Variants in CRYL1 observed in about 807,000 individuals in gnomAD.
CRYL1 encodes crystallin lambda 1, also known as lambda-crystallin homolog.
CRYL1 carries 29 observed loss-of-function variants against 36.6 expected under a neutral mutation model. The observed-to-expected ratio is 0.79, with a 90% CI of 0.59 to 1.08. The LOEUF is 1.08. CRYL1 is among the 50% of genes least tolerant of loss of function. The pLI is 0.00. For synonymous variants in CRYL1, 152 were observed against 151.5 expected (o/e 1.00, Z -0.02); for missense variants, 411 against 407.9 (o/e 1.01, Z -0.06).
intron 3 of CRYL1, among the ~76,000 whole-genome samples, chr13:20,464,912 A>G (rs557931467): frequency 1.3e-5 from 2 of 152,214 alleles, no homozygotes; most frequent in Non-Finnish European, 2.9e-5. Context: ...CGCCTTCGCC[A>G]TATCCCTGAA....
intron 3 of CRYL1, among the ~76,000 whole-genome samples, chr13:20,458,181 T>A (rs1314730454): frequency 6.6e-6 from 1 of 152,246 alleles, no homozygotes; most frequent in Non-Finnish European, 1.5e-5. Flanking sequence ...ATCAGTAGCA[T>A]CTTAGATAAG....
At chr13:20,430,079 G>A (rs2032022871) in intron 5 of CRYL1, among the ~76,000 whole-genome samples, 1 of 152,122 alleles carries the variant, frequency 6.6e-6, no homozygotes, top group Non-Finnish European at 1.5e-5. Flanking sequence ...AGTCATCGCT[G>A]TGGGGCTCGG....
intron 3 of CRYL1, among the ~76,000 whole-genome samples, chr13:20,462,385 GGTTTGAGC>G (rs1409671080): frequency 6.6e-6 from 1 of 151,032 alleles, no homozygotes; most frequent in Non-Finnish European, 1.5e-5. Flanking sequence ...AACTATGACA[GGTTTGAGC>G]GTTACCCTAA....
chr13:20,493,956 C>T (rs2033561239), intron 2 of CRYL1, among the ~76,000 whole-genome samples: 1 of 152,208 alleles, frequency 6.6e-6, no homozygotes, highest in Admixed American at 6.5e-5. Context: ...TACTCCCTCG[C>T]CTGGTATCAC....
intron 5 of CRYL1, chr13:20,430,775 A>C (rs2032041392): frequency 1.0e-6 from 1 of 985,290 alleles, no homozygotes; most frequent in African/African-American, 1.7e-5. Flanking sequence ...AAACCCCACA[A>C]GGTTTAATTC....
At chr13:20,498,220 C>T (rs2033646485) in intron 2 of CRYL1, among the ~76,000 whole-genome samples, 1 of 151,148 alleles carries the variant, frequency 6.6e-6, no homozygotes, top group African/African-American at 2.4e-5. Flanking sequence ...ACACATACCC[C>T]ATATACACAC....
At chr13:20,491,563 G>T (rs181098930) in intron 2 of CRYL1, among the ~76,000 whole-genome samples, 1 of 152,210 alleles carries the variant, frequency 6.6e-6, no homozygotes, top group Non-Finnish European at 1.5e-5. Context: ...GGCCAAGGCA[G>T]GCGGGTCACT....
chr13:20,518,086 A>C (rs2034034486), intron 1 of CRYL1, among the ~76,000 whole-genome samples: 1 of 152,106 alleles, frequency 6.6e-6, no homozygotes, highest in South Asian at 2.1e-4. Flanking sequence ...CATGGTTATC[A>C]AGTGAAAAAT....
chr13:20,413,241 C>A, intron 6 of CRYL1, 41 bp downstream of exon 6: 1 of 1,383,126 alleles, frequency 7.2e-7, no homozygotes, highest in Middle Eastern at 1.8e-4. Context: ...CATGACAACA[C>A]TAAATAGAAT....
chr13:20,452,117 A>G (rs1269607417), intron 3 of CRYL1, among the ~76,000 whole-genome samples: 1 of 152,170 alleles, frequency 6.6e-6, no homozygotes, highest in African/African-American at 2.4e-5. Context: ...GCAACCACAG[A>G]TACCAGGGAC....
At chr13:20,457,361 C>T (rs184342911) in intron 3 of CRYL1, among the ~76,000 whole-genome samples, 92 of 152,282 alleles carry the variant, frequency 6.0e-4, no homozygotes, top group African/African-American at 2.0e-3. Flanking sequence ...CTGGCATGAC[C>T]TCCACCAATA....
intron 6 of CRYL1, chr13:20,405,888 G>GGCCC (rs1187881840): frequency 6.6e-6 from 1 of 152,318 alleles, no homozygotes; most frequent in Non-Finnish European, 1.5e-5. Flanking sequence ...CGACCCGCTG[G>GGCCC]GCCCCGCAGA....
At chr13:20,517,455 A>T (rs1360681942) in intron 1 of CRYL1, among the ~76,000 whole-genome samples, 1 of 151,356 alleles carries the variant, frequency 6.6e-6, no homozygotes, top group East Asian at 2.0e-4. Flanking sequence ...ATTAGCTGGG[A>T]GTGGTGGCAC....
At chr13:20,430,617 G>T in intron 5 of CRYL1, 1 of 985,360 alleles carries the variant, frequency 1.0e-6, no homozygotes, top group Non-Finnish European at 1.2e-6. Context: ...GCAATGGAGA[G>T]TTCTTTGTGT....
intron 3 of CRYL1, among the ~76,000 whole-genome samples, chr13:20,442,865 T>G (rs1014785669): frequency 1.3e-5 from 2 of 152,232 alleles, no homozygotes; most frequent in East Asian, 3.8e-4. Context: ...CGGCATGCCC[T>G]GATTTTGACA....
chr13:20,459,415 C>T (rs1422493457), intron 3 of CRYL1, among the ~76,000 whole-genome samples: 2 of 152,162 alleles, frequency 1.3e-5, no homozygotes, highest in South Asian at 2.1e-4. Flanking sequence ...TTTACCACAG[C>T]ACTATTCAAA....
chr13:20,486,791 C>T (rs896538514), intron 3 of CRYL1, among the ~76,000 whole-genome samples: 8 of 152,136 alleles, frequency 5.3e-5, no homozygotes, highest in Admixed American at 4.6e-4. Flanking sequence ...CTAGTGCCAA[C>T]CATGTACAGA....
chr13:20,437,672 G>A (rs574252305), intron 4 of CRYL1, among the ~76,000 whole-genome samples: 17 of 152,286 alleles, frequency 1.1e-4, no homozygotes, highest in African/African-American at 3.8e-4. Context: ...GGAGAGAAGT[G>A]TCATTATTCA....
At chr13:20,463,780 T>C (rs1484267383) in intron 3 of CRYL1, among the ~76,000 whole-genome samples, 1 of 152,210 alleles carries the variant, frequency 6.6e-6, no homozygotes, top group Admixed American at 6.5e-5. Context: ...GAAAACTCAA[T>C]ACATTTAGAA....
Sources: allele counts gnomAD v4.1 joint callset (sites outside exome capture counted in the v4.1 genomes callset), GRCh38; gene constraint gnomAD v4.1.1; transcripts MANE v1.5; gene names NCBI Gene and HGNC (gene_info 2026-07-23, HGNC 2026-07-21).